The following DIS3L variants were observed in gnomAD, a reference collection of about 807,000 sequenced individuals.
DIS3L encodes DIS3 like exosome 3'-5' exoribonuclease, also known as DIS3-like exonuclease 1.
A neutral mutation model predicts 120.3 loss-of-function variants in DIS3L; 100 were observed. The observed-to-expected ratio is 0.83, with a 90% CI of 0.71 to 0.98. The LOEUF is 0.98. Among genes scored for constraint, DIS3L ranks in the 50% least tolerant of loss-of-function variants. DIS3L has a pLI of 0.00. For synonymous variants in DIS3L, 426 were observed against 470.6 expected, an observed-to-expected ratio of 0.91 and a Z score of 1.23; for missense variants, 1,196 against 1,314.2, an observed-to-expected ratio of 0.91 and a Z score of 1.39.
chr15:66,318,533 A>G lies in DIS3L; in HGVS notation c.1079A>G (p.Lys360Arg). 1 of 1,614,080 alleles carries G rather than the reference A, an allele frequency of 6.2e-7. No homozygotes were observed. The highest frequency in any genetic ancestry group is 8.5e-7 in the Non-Finnish European group (1 of 1,180,018). ...AAAGAAGAGGTCCAATCTCAGGGCAAAAATGCTCAGAAAATCCTGGTTACA... is the reference window on the plus strand; with the variant it reads ...AAAGAAGAGGTCCAATCTCAGGGCAGAAATGCTCAGAAAATCCTGGTTACA... The part of the protein sequence containing the change: ...PSKEEVQSQG[K>R]NAQKILVTPW... Residue 360 changes from lysine (K) to arginine (R), a missense_variant, in exon 8 of 17, where the codon AAA becomes AGA. Transcript: ENST00000319212.
chr15:66,332,594 G>A (rs1345839560), intron 15 of DIS3L, 142 bp from the exon 16 acceptor site: 5 of 801,282 alleles, frequency 6.2e-6, no homozygotes, highest in Admixed American at 5.9e-5. Context: ...ATCTGCTAAG[G>A]TGAAATAAAT....
At chr15:66,320,771 C>T (rs2092875445) in intron 9 of DIS3L, 39 bp downstream of exon 9, 1 of 1,584,448 alleles carries the variant, frequency 6.3e-7, no homozygotes, top group African/African-American at 1.4e-5. Context: ...GTGACATTTT[C>T]TTTTTGCTTT....
Position 66,333,346 on chromosome 15 carries a change from GAATGTTTT to G in DIS3L, c.*36_*43del, listed in dbSNP as rs1325218118. 2 of 1,556,164 alleles carry G rather than the reference GAATGTTTT, an allele frequency of 1.3e-6. No homozygotes were observed. The highest frequency in any genetic ancestry group is 2.5e-5 in the South Asian group (2 of 80,868). ...TACTTCACTAAGAGCTGTCATATGT[GAATGTTTT>G]ACAGTCTTTTCAAACTTAACATTTA... On this transcript the variant is annotated 3_prime_UTR_variant, in exon 17 of 17. Transcript: ENST00000319212.
Position 66,333,223 on chromosome 15 carries a change from C to T in DIS3L, c.3076C>T (p.Arg1026Cys), listed in dbSNP as rs370479708. Residue 1026 changes from arginine (R) to cysteine (C), a missense_variant, in exon 17 of 17, where the codon CGC becomes TGC. Transcript: ENST00000319212. Reference sequence around the variant, plus strand: ...CATTCAGGAGGAATATCAAGAATATCGCCAAACAAAGGGAAGGAGCCTATA... The same window carrying T: ...CATTCAGGAGGAATATCAAGAATATTGCCAAACAAAGGGAAGGAGCCTATA... ...NIIQEEYQEY[R>C]QTKGRSLYTL... 3.2e-5 allele frequency: 52 copies of T among 1,613,944 alleles called. No homozygotes were observed. Among genetic ancestry groups the T allele is most frequent in the Middle Eastern group, 1.6e-4 (1 of 6,084 alleles).
intron 2 of DIS3L, among the ~76,000 whole-genome samples, chr15:66,297,711 A>G (rs1186292289): frequency 6.6e-6 from 1 of 152,132 alleles, no homozygotes; most frequent in Non-Finnish European, 1.5e-5. Flanking sequence ...ATTTTATCCA[A>G]TATGCTTTTA....
Position 66,293,818 on chromosome 15 carries a change from G to T in DIS3L, c.139+83G>T, listed in dbSNP as rs1328198893. 6.3e-5 allele frequency: 67 copies of T among 1,057,570 alleles called. No individual in the cohort carries two copies. In the South Asian group the frequency reaches 2.7e-3, roughly 42 times the overall value. 65.5% of individuals were successfully genotyped at this position (1,057,570 alleles called of 1,614,324 possible). A position where few individuals can be genotyped will look rare whatever the true frequency, so the allele number is the denominator to read the frequency against. On this transcript the variant is annotated intron_variant, in intron 1 of 16. Transcript: ENST00000319212. ...GGGCTGAGCGCGGCCGGGAGGCGGAGCGCCAGCGGCGGGGACACGGAGGCG... is the reference window on the plus strand; with the variant it reads ...GGGCTGAGCGCGGCCGGGAGGCGGATCGCCAGCGGCGGGGACACGGAGGCG...
Position 66,308,963 on chromosome 15 carries a change from G to T in DIS3L, c.558+119G>T, listed in dbSNP as rs181149256. 65 of 1,215,380 alleles carry T rather than the reference G, an allele frequency of 5.3e-5. No individual in the cohort carries two copies. The African/African-American group carries it at 9.0e-4, about 17-fold the overall frequency. The allele number at this position is 1,215,380 out of a possible 1,614,324, so 75.3% of individuals were successfully genotyped here. On this transcript the variant is annotated intron_variant, in intron 4 of 16. Transcript: ENST00000319212. ...AGGAATAGACATTAAGTTCCATTTT[G>T]GCCAGGCGTGGTGGCTCATGCCTGT...
intron 1 of DIS3L, 86 bp from the exon 2 acceptor site, chr15:66,294,902 A>G: frequency 7.4e-7 from 1 of 1,358,586 alleles, no homozygotes; most frequent in Non-Finnish European, 9.9e-7. Context: ...ACTGGAAGTT[A>G]TTTTGCATGC....
At chr15:66,318,076 C>T (rs1456683193) in intron 7 of DIS3L, among the ~76,000 whole-genome samples, 1 of 152,076 alleles carries the variant, frequency 6.6e-6, no homozygotes, top group East Asian at 1.9e-4. Flanking sequence ...CAGGTTCAGG[C>T]GATTCTCCTG....
At position 66,329,352 on chromosome 15, in the gene DIS3L, A is replaced by C; in HGVS notation, c.2488A>C (p.Asn830His). ...KMEIKGNLFSNKDLEELCRHI... is the reference protein window; with the variant it reads ...KMEIKGNLFSHKDLEELCRHI... The stretch of plus-strand genomic sequence containing the variant: ...GGAAATTAAGGGAAATCTGTTCAGC[A>C]ACAAAGATCTTGAGGAATTATGCAG... The change falls in exon 14 of 17, where the codon AAC becomes CAC. Residue 830 changes from asparagine (N) to histidine (H), a missense_variant. Transcript: ENST00000319212. 2.5e-6 allele frequency: 4 copies of C among 1,613,116 alleles called. No homozygotes were observed. The highest frequency in any genetic ancestry group is 3.4e-6 in the Non-Finnish European group (4 of 1,179,790).
chr15:66,332,619 C>T (rs984941944), intron 15 of DIS3L, 117 bp from the exon 16 acceptor site: 3 of 1,053,676 alleles, frequency 2.8e-6, no homozygotes, highest in South Asian at 1.8e-5. Flanking sequence ...GGAGGTAAAC[C>T]ACAGGAAAAG....
rs367709961 is a variant in DIS3L, at chr15:66,306,919, A to C, written c.389A>C (p.Glu130Ala). Reference protein sequence around the residue: ...EFQQCCYLPRERGESMEKWQT... With the variant: ...EFQQCCYLPRARGESMEKWQT... ...CAGCAATGCTGCTATCTGCCACGGGAAAGAGGAGAGTCCATGGAGAAGTGG... is the reference window on the plus strand; with the variant it reads ...CAGCAATGCTGCTATCTGCCACGGGCAAGAGGAGAGTCCATGGAGAAGTGG... The change falls in exon 3 of 17, where the codon GAA (glutamate) becomes GCA (alanine). Residue 130 changes from glutamate (E) to alanine (A), a missense_variant. Physicochemically the swap from Glu to Ala is moderately radical, Grantham distance 107 (BLOSUM62 -1). Transcript: ENST00000319212. 3.5e-5 allele frequency: 56 copies of C among 1,613,982 alleles called. No homozygotes were observed. In the African/African-American group the frequency reaches 6.0e-4, roughly 17 times the overall value.
chr15:66,313,790 T>C (rs2092787813), intron 5 of DIS3L, among the ~76,000 whole-genome samples: 2 of 147,454 alleles, frequency 1.4e-5, no homozygotes, highest in South Asian at 2.1e-4. Flanking sequence ...TGTGTGTGTG[T>C]ATATATATAT....
chr15:66,318,586 C>T lies in DIS3L; in HGVS notation c.1132C>T (p.Arg378Ter), dbSNP rs893215526. Residue 378 changes from arginine to a stop codon, truncating the protein, a stop_gained, in exon 8 of 17, where the codon CGA becomes TGA. Transcript: ENST00000319212. LOFTEE classifies it high-confidence loss of function. ...TPWDYRIPKI[R>*]ISTQQAETLQ... ...TTGGGATTACAGAATTCCCAAAATT[C>T]GAATTAGCACTCAGCAAGCAGAAAC... The T allele has an allele frequency of 8.1e-6, 13 of 1,613,978 alleles. No homozygotes were observed. The highest frequency in any genetic ancestry group is 2.2e-5 in the South Asian group (2 of 91,074).
chr15:66,315,280 T>C (rs918364598), intron 7 of DIS3L, 65 bp downstream of exon 7: 11 of 1,469,094 alleles, frequency 7.5e-6, no homozygotes, highest in African/African-American at 1.4e-5. Context: ...GTCTCCTCTT[T>C]AGCAATCCAG....
rs966837610 is a variant in DIS3L at position 66,333,518 on chromosome 15, C to T, written c.*206C>T. 1 of 445,360 alleles carries T rather than the reference C, an allele frequency of 2.2e-6. No individual in the cohort carries two copies. Among genetic ancestry groups the T allele is most frequent in the South Asian group, 3.0e-5 (1 of 33,314 alleles). The allele number at this position is 445,360 out of a possible 1,614,324, so 27.6% of individuals were successfully genotyped here. On this transcript the variant is annotated 3_prime_UTR_variant, in exon 17 of 17. Transcript: ENST00000319212. ...GGCTGAGGCGGGCGGATCACGAGGT[C>T]AGGAGATTGAGACCATCCTGGCTAA...
intron 2 of DIS3L, 65 bp from the exon 3 acceptor site, chr15:66,306,759 T>C: frequency 6.2e-7 from 1 of 1,600,586 alleles, no homozygotes; most frequent in African/African-American, 1.3e-5. Context: ...TTTTGATCCT[T>C]AGCAAGAGAT....
At chr15:66,314,439 G>C (rs529471479) in intron 6 of DIS3L, among the ~76,000 whole-genome samples, 113 of 152,272 alleles carry the variant, frequency 7.4e-4, no homozygotes, top group African/African-American at 2.5e-3. Flanking sequence ...CTGCCTCAAT[G>C]TGCTATATTG....
chr15:66,309,716 C>T (rs11071884), intron 4 of DIS3L, among the ~76,000 whole-genome samples: 16,062 of 152,222 alleles, frequency 0.11, 1,073 homozygotes, highest in Non-Finnish European at 0.15. Context: ...CTCTTAGCCA[C>T]CATGCTATAC....
Sources: gnomAD v4.1 joint callset for allele counts (sites outside exome capture counted in the v4.1 genomes callset) on GRCh38, gnomAD v4.1.1 for gene constraint, MANE v1.5 for transcripts, NCBI Gene and HGNC (gene_info 2026-07-23, HGNC 2026-07-21) for gene names.